Variants in ADGRB3 observed in about 807,000 individuals in gnomAD.
The protein encoded by ADGRB3 is adhesion G protein-coupled receptor B3.
ADGRB3 carries 37 observed loss-of-function variants against 193.4 expected under a neutral mutation model. The ratio of observed to expected loss-of-function variants is 0.19; its 90% CI spans 0.15 to 0.25. The LOEUF (loss-of-function observed/expected upper bound fraction) is 0.25. Ranked by LOEUF, ADGRB3 falls within the 10% of genes least tolerant of loss-of-function variation. ADGRB3 has a pLI of 1.00. For missense variants in ADGRB3, 1,637 were observed against 1,852.9 expected, an observed-to-expected ratio of 0.88 and a Z score of 2.14; for synonymous variants, 690 against 644.2, an observed-to-expected ratio of 1.07 and a Z score of -1.08.
intron 3 of ADGRB3, among the ~76,000 whole-genome samples, chr6:68,688,129 G>A (rs1221871820): frequency 6.6e-6 from 1 of 152,114 alleles, no homozygotes; most frequent in African/African-American, 2.4e-5. Context: ...ATAAGATCAA[G>A]TTGTCATGGT....
intron 15 of ADGRB3, among the ~76,000 whole-genome samples, chr6:69,053,234 G>C (rs992480203): frequency 6.6e-6 from 1 of 152,012 alleles, no homozygotes; most frequent in Admixed American, 6.6e-5. Flanking sequence ...GGTCTTTTAG[G>C]GTTTAGTGTG....
chr6:69,373,744 A>G (rs1396670667), intron 30 of ADGRB3, among the ~76,000 whole-genome samples: 1 of 152,042 alleles, frequency 6.6e-6, no homozygotes, highest in African/African-American at 2.4e-5. Context: ...GTATATATTC[A>G]TGTCTAAAAG....
intron 3 of ADGRB3, among the ~76,000 whole-genome samples, chr6:68,662,840 C>T (rs1413846103): frequency 6.6e-6 from 1 of 151,052 alleles, no homozygotes; most frequent in African/African-American, 2.4e-5. Context: ...ACTACAAAAC[C>T]ACTATTTTGG....
chr6:69,374,147 T>C (rs1769764326), intron 30 of ADGRB3, among the ~76,000 whole-genome samples: 1 of 152,056 alleles, frequency 6.6e-6, no homozygotes, highest in South Asian at 2.1e-4. Flanking sequence ...TGTCAAAATT[T>C]GGTGGGGCAG....
At chr6:68,881,816 T>G (rs1490715685) in intron 3 of ADGRB3, among the ~76,000 whole-genome samples, 1 of 152,214 alleles carries the variant, frequency 6.6e-6, no homozygotes, top group Admixed American at 6.5e-5. Flanking sequence ...TGCTTCAGTT[T>G]AAAGTAGTAA....
At chr6:69,375,402 A>G (rs1769794650) in intron 30 of ADGRB3, among the ~76,000 whole-genome samples, 1 of 151,956 alleles carries the variant, frequency 6.6e-6, no homozygotes, top group South Asian at 2.1e-4. Flanking sequence ...CAAAGAGAAG[A>G]CTCTGCAGAG....
chr6:68,720,844 C>T (rs1480187526), intron 3 of ADGRB3, among the ~76,000 whole-genome samples: 3 of 151,720 alleles, frequency 2.0e-5, no homozygotes, highest in Non-Finnish European at 4.4e-5. Flanking sequence ...CTGCTGTTAC[C>T]TTTCAGAGTC....
chr6:68,776,995 G>C (rs975252759), intron 3 of ADGRB3, among the ~76,000 whole-genome samples: 2 of 152,072 alleles, frequency 1.3e-5, no homozygotes, highest in Non-Finnish European at 2.9e-5. Flanking sequence ...ATTATACTAT[G>C]ACCCATTTAG....
chr6:69,239,659 A>G (rs951342368), intron 20 of ADGRB3, among the ~76,000 whole-genome samples: 2 of 152,040 alleles, frequency 1.3e-5, no homozygotes, highest in African/African-American at 4.8e-5. Context: ...TCTCTTGAAA[A>G]TCCACCTGAA....
chr6:69,386,967 T>C (rs1347401120), intron 31 of ADGRB3, among the ~76,000 whole-genome samples: 1 of 152,118 alleles, frequency 6.6e-6, no homozygotes, highest in Non-Finnish European at 1.5e-5. Flanking sequence ...TATTGAGTGT[T>C]TATTAAATTC....
chr6:68,683,491 G>A (rs982264952), intron 3 of ADGRB3, among the ~76,000 whole-genome samples: 1 of 152,118 alleles, frequency 6.6e-6, no homozygotes, highest in Non-Finnish European at 1.5e-5. Flanking sequence ...AAAGCAACTA[G>A]TGCAGTGATT....
chr6:69,241,816 T>C (rs933134692), intron 20 of ADGRB3, among the ~76,000 whole-genome samples: 2 of 151,958 alleles, frequency 1.3e-5, no homozygotes, highest in Non-Finnish European at 2.9e-5. Context: ...TAATTTTTGC[T>C]ACTATAGTTA....
chr6:68,861,523 C>T (rs888979791), intron 3 of ADGRB3, among the ~76,000 whole-genome samples: 3 of 151,996 alleles, frequency 2.0e-5, no homozygotes, highest in Admixed American at 6.5e-5. Flanking sequence ...GATCGCGCCA[C>T]TGCACTCCAG....
intron 31 of ADGRB3, among the ~76,000 whole-genome samples, chr6:69,387,429 A>T (rs536013414): frequency 1.3e-5 from 2 of 152,260 alleles, no homozygotes; most frequent in South Asian, 4.1e-4. Flanking sequence ...CACATCCTAA[A>T]AATTAACCTT....
intron 3 of ADGRB3, among the ~76,000 whole-genome samples, chr6:68,835,040 G>C (rs1768020466): frequency 6.6e-6 from 1 of 151,802 alleles, no homozygotes. Context: ...TAAAATATTT[G>C]ACATACACTA....
At chr6:69,201,544 G>A (rs998060472) in intron 17 of ADGRB3, among the ~76,000 whole-genome samples, 1 of 151,706 alleles carries the variant, frequency 6.6e-6, no homozygotes, top group Non-Finnish European at 1.5e-5. Context: ...CTAGAGTTCT[G>A]GGTTTTGCTT....
At position 68,825,872 on chromosome 6, in the gene ADGRB3, T is replaced by A. The variant is rs188963441; in HGVS notation, c.758-104687T>A. On this transcript the variant is annotated intron_variant, in intron 3 of 31. Coordinates refer to ENST00000370598, the MANE Select transcript of ADGRB3 (RefSeq NM_001704.3). The stretch of plus-strand genomic sequence containing the variant: ...GTGAATCAATTAAACCTTTTTCCTT[T>A]ATAAATTACCCAGACTCAGCAGCTC... Among the ~76,000 whole-genome samples, 1,346 of 152,314 alleles carry A rather than the reference T, an allele frequency of 8.8e-3. 34 individuals are homozygous for A. Among genetic ancestry groups the A allele is most frequent in the African/African-American group, 0.031 (1,285 of 41,550 alleles).
intron 26 of ADGRB3, among the ~76,000 whole-genome samples, chr6:69,351,482 G>A (rs551874933): frequency 1.3e-5 from 2 of 152,228 alleles, no homozygotes; most frequent in Non-Finnish European, 2.9e-5. Flanking sequence ...TAAATTAGAG[G>A]TATCAGAGGC....
At chr6:68,978,401 A>G (rs1768812096) in intron 10 of ADGRB3, among the ~76,000 whole-genome samples, 2 of 151,520 alleles carry the variant, frequency 1.3e-5, no homozygotes, top group Admixed American at 6.6e-5. Context: ...ATATTTTGGC[A>G]TATGAATTAT....
Sources: gnomAD v4.1 joint callset for allele counts (sites outside exome capture counted in the v4.1 genomes callset) on GRCh38, gnomAD v4.1.1 for gene constraint, MANE v1.5 for transcripts, NCBI Gene and HGNC (gene_info 2026-07-23, HGNC 2026-07-21) for gene names.